The following SLC5A3 variants were observed in gnomAD, a reference collection of about 807,000 sequenced individuals.
SLC5A3 encodes solute carrier family 5 member 3, also known as sodium/myo-inositol cotransporter.
A neutral mutation model predicts 43.2 loss-of-function variants in SLC5A3; 10 were observed. The observed-to-expected ratio is 0.23, with a 90% CI of 0.14 to 0.39. The LOEUF is 0.39. Among genes scored for constraint, SLC5A3 ranks in the 10% least tolerant of loss-of-function variants. The pLI is 1.00. For missense variants in SLC5A3, 608 were observed against 893.4 expected, an observed-to-expected ratio of 0.68 and a Z score of 4.07; for synonymous variants, 349 against 322.0, an observed-to-expected ratio of 1.08 and a Z score of -0.90.
At position 34,100,438 on chromosome 21, in the gene SLC5A3, G is replaced by A. The variant is rs377758867; in HGVS notation, c.*3083G>A. 20 of 1,000,170 alleles carry A rather than the reference G, an allele frequency of 2.0e-5. No individual in the cohort carries two copies. In the East Asian group the frequency reaches 1.0e-3, roughly 51 times the overall value. The allele number at this position is 1,000,170 out of a possible 1,614,324, so 62.0% of individuals were successfully genotyped here. On this transcript the variant is annotated 3_prime_UTR_variant, in exon 2 of 2. Coordinates refer to ENST00000381151, the MANE Select transcript of SLC5A3 (RefSeq NM_006933.7). Reference sequence around the variant, plus strand: ...TCTTTCCTGGGGGTAATTATGCTTTGTCTTTAGATTAGAGAAGCATCAAGC... The same window carrying A: ...TCTTTCCTGGGGGTAATTATGCTTTATCTTTAGATTAGAGAAGCATCAAGC...
chr21:34,093,898 T>C (rs958946173), intron 1 of SLC5A3, among the ~76,000 whole-genome samples: 5 of 152,284 alleles, frequency 3.3e-5, no homozygotes, highest in African/African-American at 1.2e-4. Flanking sequence ...AATGTCTGTT[T>C]TGTTGAGGTT....
At position 34,105,449 on chromosome 21, in the gene SLC5A3, C is replaced by A; in HGVS notation, c.*8094C>A. The A allele has an allele frequency of 1.0e-6, 1 of 999,268 alleles. No homozygotes were observed. The allele number at this position is 999,268 out of a possible 1,614,324, so 61.9% of individuals were successfully genotyped here. ...ATTCATTTATTTTTAAGCCAAATGT[C>A]AGCAGAGTGCTGCTGCTTTTATCTA... On this transcript the variant is annotated 3_prime_UTR_variant, in exon 2 of 2. Transcript: ENST00000381151.
At chr21:34,082,431 T>A (rs147276035) in intron 1 of SLC5A3, among the ~76,000 whole-genome samples, 82 of 152,334 alleles carry the variant, frequency 5.4e-4, no homozygotes, top group African/African-American at 1.9e-3. Flanking sequence ...TGATATCTTG[T>A]TTTAGGCATG....
In SLC5A3 at chr21:34,099,489, A is replaced by C; in HGVS notation, c.*2134A>C. The C allele has an allele frequency of 1.0e-6, 1 of 999,878 alleles. No homozygotes were observed. Among genetic ancestry groups the C allele is most frequent in the Non-Finnish European group, 1.2e-6 (1 of 829,774 alleles). 61.9% of individuals were successfully genotyped at this position (999,878 alleles called of 1,614,324 possible). A position where few individuals can be genotyped will look rare whatever the true frequency, so the allele number is the denominator to read the frequency against. ...ATTTTTCAAATTAACATTAAGTTGT[A>C]AGAACTAAAATTTTCTTTGAACCAC... On this transcript the variant is annotated 3_prime_UTR_variant, in exon 2 of 2. Transcript: ENST00000381151.
chr21:34,092,873 C>G (rs1405578222), intron 1 of SLC5A3, among the ~76,000 whole-genome samples: 1 of 152,142 alleles, frequency 6.6e-6, no homozygotes, highest in Non-Finnish European at 1.5e-5. Context: ...CCTGATTAGC[C>G]AGGTAGCCTT....
chr21:34,093,877 A>G (rs963574001), intron 1 of SLC5A3, among the ~76,000 whole-genome samples: 1 of 152,232 alleles, frequency 6.6e-6, no homozygotes, highest in African/African-American at 2.4e-5. Flanking sequence ...AGATTTATCT[A>G]ATGGTCCACA....
At position 34,098,530 on chromosome 21, in the gene SLC5A3, A is replaced by C; in HGVS notation, c.*1175A>C. 2.0e-6 allele frequency: 2 copies of C among 1,000,142 alleles called. No individual in the cohort carries two copies. Among genetic ancestry groups the C allele is most frequent in the South Asian group, 9.4e-5 (2 of 21,284 alleles). 62.0% of individuals were successfully genotyped at this position (1,000,142 alleles called of 1,614,324 possible). ...CTACATTTTTGTTGTAGTGACTTAG[A>C]GCATAAGGATGTTTCAGTGCAAACT... On this transcript the variant is annotated 3_prime_UTR_variant, in exon 2 of 2. Transcript: ENST00000381151.
In SLC5A3 at chr21:34,098,009, T is replaced by C. The variant is rs1979053316; in HGVS notation, c.*654T>C. 1.0e-6 allele frequency: 1 copy of C among 998,104 alleles called. No homozygotes were observed. The highest frequency in any genetic ancestry group is 1.2e-6 in the Non-Finnish European group (1 of 828,832). The allele number at this position is 998,104 out of a possible 1,614,324, so 61.8% of individuals were successfully genotyped here. ...TCCAGTTCCTTTTTTTTTTTCTTTC[T>C]ACTTTCAAGTTTAAGTGAACCATAC... On this transcript the variant is annotated 3_prime_UTR_variant, in exon 2 of 2. Coordinates refer to ENST00000381151, the MANE Select transcript of SLC5A3 (RefSeq NM_006933.7).
chr21:34,083,854 T>G (rs552988714), intron 1 of SLC5A3, among the ~76,000 whole-genome samples: 103 of 152,160 alleles, frequency 6.8e-4, no homozygotes, highest in Non-Finnish European at 2.1e-4. Flanking sequence ...TCTTGAGTAT[T>G]TTATCTGATT....
rs1978975400 is a variant in SLC5A3 at position 34,096,609 on chromosome 21, T to G, written c.1411T>G (p.Phe471Val). 6.2e-7 allele frequency: 1 copy of G among 1,613,996 alleles called. No individual in the cohort carries two copies. Among genetic ancestry groups the G allele is most frequent in the African/African-American group, 1.3e-5 (1 of 74,896 alleles). ...FWKRCNEQGA[F>V]YGGMAGFVLG... ...GAAGCGCTGCAATGAACAAGGGGCT[T>G]TCTATGGTGGAATGGCTGGCTTTGT... Residue 471 changes from phenylalanine to valine, a missense_variant, in exon 2 of 2, where the codon TTC becomes GTC. By Grantham distance (50) the Phe-to-Val change is conservative (BLOSUM62 -1). Transcript: ENST00000381151. This position sits in a 1 kb window ranked among gnomAD's most constrained non-coding sequence, Gnocchi z 5.9.
At chr21:34,081,187 C>A (rs550272811) in intron 1 of SLC5A3, among the ~76,000 whole-genome samples, 3 of 151,998 alleles carry the variant, frequency 2.0e-5, no homozygotes, top group East Asian at 1.9e-4. Context: ...TTTAAACTTT[C>A]CACTTTAATG....
intron 1 of SLC5A3, among the ~76,000 whole-genome samples, chr21:34,085,507 G>C (rs1011142784): frequency 6.6e-6 from 1 of 151,878 alleles, no homozygotes; most frequent in Non-Finnish European, 1.5e-5. Context: ...TTTAGCATCT[G>C]TTGGTGACTG....
At chr21:34,074,598 A>T (rs186840684) in intron 1 of SLC5A3, among the ~76,000 whole-genome samples, 1 of 152,282 alleles carries the variant, frequency 6.6e-6, no homozygotes, top group African/African-American at 2.4e-5. Context: ...GTCCTGGGTC[A>T]TGTACTCCTC....
At position 34,106,206 on chromosome 21, in the gene SLC5A3, A is replaced by G. The variant is rs1602942275; in HGVS notation, c.*8851A>G. ...GTCCTGTAACTGAAGTATAGTAATT[A>G]TTTTATGGAAATGTTAGCAATTCTG... On this transcript the variant is annotated 3_prime_UTR_variant, in exon 2 of 2. Transcript: ENST00000381151. 1.0e-6 allele frequency: 1 copy of G among 973,228 alleles called. No homozygotes were observed. Among genetic ancestry groups the G allele is most frequent in the Non-Finnish European group, 1.2e-6 (1 of 805,266 alleles). The allele number at this position is 973,228 out of a possible 1,614,324, so 60.3% of individuals were successfully genotyped here.
chr21:34,076,380 A>G (rs1310238567), intron 1 of SLC5A3, among the ~76,000 whole-genome samples: 1 of 152,230 alleles, frequency 6.6e-6, no homozygotes, highest in Non-Finnish European at 1.5e-5. Flanking sequence ...TCTGGATTGT[A>G]GCAAAGTCAG....
rs542133142 is a variant in SLC5A3, at chr21:34,095,888, A to G, written c.690A>G (p.Thr230=). The part of the protein sequence containing the change: ...ASPDVTSILL[T]YNLSNTNSCN... ...CCGATGTCACTTCCATCTTATTGAC[A>G]TACAACCTTTCCAACACAAATTCTT... Residue 230 remains threonine, a synonymous_variant, in exon 2 of 2, where the codon ACA becomes ACG. Coordinates refer to ENST00000381151, the MANE Select transcript of SLC5A3 (RefSeq NM_006933.7). 2 of 1,614,132 alleles carry G rather than the reference A, an allele frequency of 1.2e-6. No homozygotes were observed. Among genetic ancestry groups the G allele is most frequent in the Non-Finnish European group, 1.7e-6 (2 of 1,179,998 alleles).
Position 34,095,802 on chromosome 21 carries a change from A to T in SLC5A3, c.604A>T (p.Ile202Phe). 6.2e-7 allele frequency: 1 copy of T among 1,614,104 alleles called. No individual in the cohort carries two copies. Among genetic ancestry groups the T allele is most frequent in the South Asian group, 1.1e-5 (1 of 91,076 alleles). ...MIIGALTLMI[I>F]SIMEIGGFEE... is the part of the protein sequence containing the mutation. ...CATTGGGGCACTTACACTTATGATT[A>T]TTAGCATAATGGAGATTGGCGGGTT... Residue 202 changes from isoleucine to phenylalanine, a missense_variant, in exon 2 of 2, where the codon ATT (isoleucine) becomes TTT (phenylalanine). Physicochemically the swap from Ile to Phe is conservative, Grantham distance 21. Around this residue, in one of 2 missense-constraint regions of SLC5A3, gnomAD observed 398 missense variants for 668.6 expected, o/e 0.60. Coordinates refer to ENST00000381151, the MANE Select transcript of SLC5A3 (RefSeq NM_006933.7).
chr21:34,098,752 C>T lies in SLC5A3; in HGVS notation c.*1397C>T, dbSNP rs1198301109. 43 of 1,000,068 alleles carry T rather than the reference C, an allele frequency of 4.3e-5. No homozygotes were observed. 61.9% of individuals were successfully genotyped at this position (1,000,068 alleles called of 1,614,324 possible). On this transcript the variant is annotated 3_prime_UTR_variant, in exon 2 of 2. Coordinates refer to ENST00000381151, the MANE Select transcript of SLC5A3 (RefSeq NM_006933.7). ...GACATGGCTTGGCACCCACTTGCAG[C>T]TAGTGGGTACAGGGTACAAAAGATG... is the stretch of plus-strand genomic sequence containing the variant.
chr21:34,102,192 A>G lies in SLC5A3; in HGVS notation c.*4837A>G, dbSNP rs1979269063. 3 of 1,000,008 alleles carry G rather than the reference A, an allele frequency of 3.0e-6. No homozygotes were observed. Among genetic ancestry groups the G allele is most frequent in the Non-Finnish European group, 2.4e-6 (2 of 829,890 alleles). 61.9% of individuals were successfully genotyped at this position (1,000,008 alleles called of 1,614,324 possible). A position where few individuals can be genotyped will look rare whatever the true frequency, so the allele number is the denominator to read the frequency against. ...TAGCTGTTCAGCTACTTTGACTCCT[A>G]GGAGAGAATTTAGTTAAGGTTCAAA... On this transcript the variant is annotated 3_prime_UTR_variant, in exon 2 of 2. Coordinates refer to ENST00000381151, the MANE Select transcript of SLC5A3 (RefSeq NM_006933.7).
Sources: allele counts gnomAD v4.1 joint callset (sites outside exome capture counted in the v4.1 genomes callset), GRCh38; gene constraint gnomAD v4.1.1; regional missense constraint gnomAD v4.1.1; non-coding constraint Gnocchi (gnomAD v3.1); transcripts MANE v1.5; gene names NCBI Gene and HGNC (gene_info 2026-07-23, HGNC 2026-07-21).